CEP63: variants seen among roughly 807,000 people sequenced by gnomAD.
CEP63 encodes the protein centrosomal protein 63.
Under a neutral mutation model 89.1 loss-of-function variants are expected in CEP63, and 84 were observed. The observed-to-expected ratio is 0.94, with a 90% CI of 0.79 to 1.13. CEP63 has a LOEUF of 1.13. CEP63 is among the 50% of genes most tolerant of loss of function. CEP63 has a pLI of 0.00. For synonymous variants in CEP63, 267 were observed against 272.5 expected (o/e 0.98, Z 0.20); for missense variants, 838 against 813.3 (o/e 1.03, Z -0.37).
At chr3:134,531,057 A>G (rs6439484) in intron 3 of CEP63, among the ~76,000 whole-genome samples, 100,240 of 152,048 alleles carry the variant, frequency 0.66, 33,439 homozygotes, top group East Asian at 0.81. Context: ...CTTCCTTACC[A>G]TGGTTGGTGG....
chr3:134,729,412 C>T, the CEP63 span, among the ~76,000 whole-genome samples: 5 of 152,170 alleles, frequency 3.3e-5, no homozygotes, highest in South Asian at 2.1e-4. Context: ...CTTATAATCA[C>T]GAGGATTAAG....
At chr3:134,678,080 G>A in the CEP63 span, among the ~76,000 whole-genome samples, 3 of 152,010 alleles carry the variant, frequency 2.0e-5, no homozygotes, top group Non-Finnish European at 2.9e-5. Flanking sequence ...GGGCACCTGG[G>A]CCACCTGGTG....
the CEP63 span, chr3:134,647,339 T>G: frequency 3.1e-6 from 3 of 957,544 alleles, no homozygotes; most frequent in East Asian, 8.0e-5. Context: ...AGTGGTTAGA[T>G]GTCTAGGGCT....
At chr3:134,542,664 G>T (rs1952292096) in intron 6 of CEP63, among the ~76,000 whole-genome samples, 1 of 152,130 alleles carries the variant, frequency 6.6e-6, no homozygotes, top group African/African-American at 2.4e-5. Context: ...GAAGCACCAG[G>T]AAGTAGCTAT....
chr3:134,538,166 GC>G (rs1951153073), intron 6 of CEP63, among the ~76,000 whole-genome samples: 1 of 147,620 alleles, frequency 6.8e-6, no homozygotes. Context: ...TGAGGGAACA[GC>G]CTGGGTAAGT....
chr3:134,588,974 C>A (rs1414568426), downstream of CEP63, among the ~76,000 whole-genome samples: 2 of 152,156 alleles, frequency 1.3e-5, no homozygotes, highest in African/African-American at 4.8e-5. Context: ...TGGATACATT[C>A]TTTTAAAAAC....
At chr3:134,763,279 G>GTCCA in the CEP63 span, among the ~76,000 whole-genome samples, 5 of 151,848 alleles carry the variant, frequency 3.3e-5, no homozygotes, top group African/African-American at 1.2e-4. Flanking sequence ...CCCTTCCTGT[G>GTCCA]TCCATGTATT....
chr3:134,734,234 T>C, the CEP63 span, among the ~76,000 whole-genome samples: 1 of 152,050 alleles, frequency 6.6e-6, no homozygotes, highest in Non-Finnish European at 1.5e-5. Flanking sequence ...AAATGTTCTT[T>C]AGCAGGTGAA....
chr3:134,779,021 T>C, the CEP63 span, among the ~76,000 whole-genome samples: 1 of 152,216 alleles, frequency 6.6e-6, no homozygotes, highest in South Asian at 2.1e-4. Flanking sequence ...CCCTATACAG[T>C]AAAAATTTAT....
the CEP63 span, among the ~76,000 whole-genome samples, chr3:134,743,016 G>A: frequency 1.3e-5 from 2 of 152,252 alleles, no homozygotes; most frequent in Admixed American, 1.3e-4. Context: ...AGAACAAGAT[G>A]TTCTAGAATA....
At chr3:134,769,894 C>T in the CEP63 span, among the ~76,000 whole-genome samples, 1 of 152,252 alleles carries the variant, frequency 6.6e-6, no homozygotes, top group Non-Finnish European at 1.5e-5. Flanking sequence ...CCTCTCATAT[C>T]ATGTGCTAGG....
At chr3:134,654,322 G>A in the CEP63 span, among the ~76,000 whole-genome samples, 1 of 152,204 alleles carries the variant, frequency 6.6e-6, no homozygotes, top group Non-Finnish European at 1.5e-5. Flanking sequence ...AGAAATGGTA[G>A]TTTTGCTGGG....
the CEP63 span, among the ~76,000 whole-genome samples, chr3:134,674,476 CA>C: frequency 6.6e-6 from 1 of 152,060 alleles, no homozygotes; most frequent in Non-Finnish European, 1.5e-5. Context: ...ATCACACAGC[CA>C]ACATAAACTT....
the CEP63 span, among the ~76,000 whole-genome samples, chr3:134,612,759 G>GTGTA: frequency 6.7e-6 from 1 of 148,730 alleles, no homozygotes; most frequent in Admixed American, 6.7e-5. Flanking sequence ...TGCTGTGTGT[G>GTGTA]TGTGTGTGTG....
At chr3:134,747,879 G>A in the CEP63 span, among the ~76,000 whole-genome samples, 2 of 152,098 alleles carry the variant, frequency 1.3e-5, no homozygotes, top group African/African-American at 4.8e-5. Flanking sequence ...TCTGCCTCTC[G>A]GGTTGAAGCG....
chr3:134,658,907 A>G, the CEP63 span, among the ~76,000 whole-genome samples: 4 of 152,186 alleles, frequency 2.6e-5, no homozygotes, highest in Non-Finnish European at 5.9e-5. Context: ...CCTTTCTGGT[A>G]TGTCTCTTCC....
intron 1 of CEP63, among the ~76,000 whole-genome samples, chr3:134,494,333 C>T (rs550088643): frequency 3.4e-4 from 52 of 151,038 alleles, no homozygotes; most frequent in Admixed American, 5.3e-4. Flanking sequence ...CCAGGCTGGT[C>T]TCAAACTCCT....
intron 1 of CEP63, among the ~76,000 whole-genome samples, chr3:134,489,637 A>C (rs1296026551): frequency 6.6e-6 from 1 of 152,110 alleles, no homozygotes; most frequent in East Asian, 1.9e-4. Flanking sequence ...ATCTAATTCT[A>C]TTATTTCTTC....
At chr3:134,679,472 C>G in the CEP63 span, among the ~76,000 whole-genome samples, 1 of 152,192 alleles carries the variant, frequency 6.6e-6, no homozygotes, top group Admixed American at 6.5e-5. Flanking sequence ...AGCAGTCCAG[C>G]AGCACATCTC....
Sources: gnomAD v4.1 joint callset for allele counts (sites outside exome capture counted in the v4.1 genomes callset) on GRCh38, gnomAD v4.1.1 for gene constraint, MANE v1.5 for transcripts, NCBI Gene and HGNC (gene_info 2026-07-23, HGNC 2026-07-21) for gene names.